Variants in HHIPL1 observed in about 807,000 individuals in gnomAD.
HHIPL1 encodes HHIP like 1, also known as HHIP-like protein 1.
Under a neutral mutation model 61.8 loss-of-function variants are expected in HHIPL1, and 43 were observed. The observed-to-expected ratio is 0.70, with a 90% CI of 0.55 to 0.90. The LOEUF (loss-of-function observed/expected upper bound fraction) is 0.90. HHIPL1 is among the 40% of genes least tolerant of loss of function. The pLI is 0.00. For synonymous variants in HHIPL1, 482 were observed against 515.8 expected (o/e 0.93, Z 0.89); for missense variants, 1,056 against 1,157.7 (o/e 0.91, Z 1.28).
At chr14:99,639,970 G>A in the HHIPL1 span, among the ~76,000 whole-genome samples, 1 of 152,164 alleles carries the variant, frequency 6.6e-6, no homozygotes, top group South Asian at 2.1e-4. Context: ...TAGGCCTTAT[G>A]TTTTAATTCA....
intron 2 of HHIPL1, among the ~76,000 whole-genome samples, chr14:99,653,427 G>T (rs1003564174): frequency 2.3e-4 from 35 of 152,154 alleles, no homozygotes; most frequent in African/African-American, 8.0e-4. Flanking sequence ...CCGCCTCCCG[G>T]GTTCAAGCAA....
upstream of HHIPL1, among the ~76,000 whole-genome samples, chr14:99,643,291 C>T (rs1296287671): frequency 4.6e-5 from 7 of 151,574 alleles, no homozygotes; most frequent in Non-Finnish European, 1.5e-5. Flanking sequence ...CCGCCCGCCT[C>T]AGCCTCCCAA....
rs200672534 is a variant in HHIPL1, at chr14:99,652,408, G to A, written c.440G>A (p.Arg147His). 98 of 1,614,170 alleles carry A rather than the reference G, an allele frequency of 6.1e-5. No individual in the cohort carries two copies. The highest frequency in any genetic ancestry group is 4.2e-4 in the East Asian group (19 of 44,872). The change falls in exon 2 of 9, where the codon CGC becomes CAC. Residue 147 changes from arginine (R) to histidine (H), a missense_variant. By Grantham distance (29) the Arg-to-His change is conservative. Transcript: ENST00000330710. ...GAGGGCAACCTTGCCAGGTTCTGCC[G>A]CTACCTGTCCCTGGATGACACGGAC... ...ALEGNLARFC[R>H]YLSLDDTDYC... is the part of the protein sequence containing the mutation.
upstream of HHIPL1, among the ~76,000 whole-genome samples, chr14:99,643,785 G>C (rs1170235493): frequency 6.6e-6 from 1 of 152,128 alleles, no homozygotes; most frequent in Non-Finnish European, 1.5e-5. Flanking sequence ...GAGAAGCCGG[G>C]GTATTTCTCC....
At chr14:99,666,768 G>C (rs890797352) in intron 6 of HHIPL1, among the ~76,000 whole-genome samples, 1 of 152,176 alleles carries the variant, frequency 6.6e-6, no homozygotes, top group Non-Finnish European at 1.5e-5. Context: ...AATGCTGCAG[G>C]CTGCATCATC....
the HHIPL1 span, among the ~76,000 whole-genome samples, chr14:99,628,446 T>C: frequency 6.6e-6 from 1 of 151,464 alleles, no homozygotes. Context: ...CCAGGCCTGG[T>C]GGCGGGCATC....
intron 3 of HHIPL1, among the ~76,000 whole-genome samples, chr14:99,657,457 G>A (rs553339680): frequency 6.6e-6 from 1 of 152,318 alleles, no homozygotes; most frequent in South Asian, 2.1e-4. Context: ...AGGGCAGATG[G>A]GATTTTCTCT....
At chr14:99,615,222 C>A in the HHIPL1 span, among the ~76,000 whole-genome samples, 1 of 152,064 alleles carries the variant, frequency 6.6e-6, no homozygotes, top group Non-Finnish European at 1.5e-5. Flanking sequence ...TCCCAGACAT[C>A]CTTTCTCTAA....
At chr14:99,671,174 C>T (rs958638034) in intron 7 of HHIPL1, among the ~76,000 whole-genome samples, 2 of 152,160 alleles carry the variant, frequency 1.3e-5, no homozygotes, top group East Asian at 3.8e-4. Context: ...CATTATAGTA[C>T]ATTTGGAAAA....
the HHIPL1 span, among the ~76,000 whole-genome samples, chr14:99,637,223 A>T: frequency 4.9e-4 from 67 of 137,130 alleles, no homozygotes; most frequent in Middle Eastern, 7.8e-3. Context: ...AAAGAAAGAA[A>T]GAAAGAAAGA....
In HHIPL1 at chr14:99,678,420, A is replaced by G. The variant is rs1017624555; in HGVS notation, c.*2794A>G. 6.6e-6 allele frequency: 1 copy of G among 152,282 alleles called. No homozygotes were observed. 9.4% of individuals were successfully genotyped at this position (152,282 alleles called of 1,614,324 possible). ...TCAGCAAGGCAATTTTACTTTCTGC[A>G]GAAAGGGTGCTCATCGCAGATGGAA... On this transcript the variant is annotated 3_prime_UTR_variant, in exon 9 of 9. Transcript: ENST00000330710.
the HHIPL1 span, among the ~76,000 whole-genome samples, chr14:99,613,951 G>C: frequency 6.6e-6 from 1 of 152,012 alleles, no homozygotes; most frequent in Non-Finnish European, 1.5e-5. Context: ...TCCTAGCATA[G>C]AGCCTGGGAA....
the HHIPL1 span, among the ~76,000 whole-genome samples, chr14:99,611,268 G>C: frequency 6.6e-6 from 1 of 150,954 alleles, no homozygotes; most frequent in Non-Finnish European, 1.5e-5. Context: ...TGAGTAGCTT[G>C]GACTACAGGC....
chr14:99,645,351 C>T lies in HHIPL1; in HGVS notation c.144C>T (p.Cys48=). ...LCAQYSDFGC[C]DEGRDAELTR... ...CGCAGTACTCGGACTTCGGCTGCTGCGATGAGGGGCGCGACGCCGAGCTGA... is the reference window on the plus strand; with the variant it reads ...CGCAGTACTCGGACTTCGGCTGCTGTGATGAGGGGCGCGACGCCGAGCTGA... The change falls in exon 1 of 9, where the codon TGC becomes TGT. Residue 48 remains cysteine, a synonymous_variant. Transcript: ENST00000330710. 6.9e-7 allele frequency: 1 copy of T among 1,449,966 alleles called. No homozygotes were observed. 89.8% of individuals were successfully genotyped at this position (1,449,966 alleles called of 1,614,324 possible). A position where few individuals can be genotyped will look rare whatever the true frequency, so the allele number is the denominator to read the frequency against.
chr14:99,623,405 T>C, the HHIPL1 span, among the ~76,000 whole-genome samples: 2 of 152,130 alleles, frequency 1.3e-5, no homozygotes, highest in Admixed American at 1.3e-4. Flanking sequence ...GCAGTTGAGA[T>C]GACAATAGAC....
chr14:99,675,713 C>A lies in HHIPL1; in HGVS notation c.*87C>A. On this transcript the variant is annotated 3_prime_UTR_variant, in exon 9 of 9. Coordinates refer to ENST00000330710, the MANE Select transcript of HHIPL1 (RefSeq NM_001127258.3). This position sits in a 1 kb window ranked among gnomAD's most constrained non-coding sequence, Gnocchi z 5.4. ...CCTGTGTGCGCCCAGCGGGTGCACA[C>A]GTGTTCTAGAGTGAAGGGGGTGCGG... The A allele has an allele frequency of 1.5e-6, 2 of 1,337,038 alleles. No individual in the cohort carries two copies. The highest frequency in any genetic ancestry group is 2.7e-5 in the Admixed American group (1 of 36,594). The allele number at this position is 1,337,038 out of a possible 1,614,324, so 82.8% of individuals were successfully genotyped here. A position where few individuals can be genotyped will look rare whatever the true frequency, so the allele number is the denominator to read the frequency against.
intron 3 of HHIPL1, among the ~76,000 whole-genome samples, 192 bp from the exon 4 acceptor site, chr14:99,659,236 T>C (rs191284573): frequency 3.9e-5 from 6 of 152,254 alleles, no homozygotes; most frequent in Admixed American, 3.3e-4. Context: ...GGGATGCATG[T>C]TGAGTGAATG....
chr14:99,624,523 C>T, the HHIPL1 span, among the ~76,000 whole-genome samples: 1 of 152,196 alleles, frequency 6.6e-6, no homozygotes, highest in Non-Finnish European at 1.5e-5. Flanking sequence ...AACCTAGGCA[C>T]ACCCCACCTC....
the HHIPL1 span, among the ~76,000 whole-genome samples, chr14:99,626,395 T>G: frequency 6.6e-6 from 1 of 152,228 alleles, no homozygotes; most frequent in Non-Finnish European, 1.5e-5. Context: ...TGTTCTGCTC[T>G]GTCCTGCCAG....
Sources: allele counts gnomAD v4.1 joint callset (sites outside exome capture counted in the v4.1 genomes callset), GRCh38; gene constraint gnomAD v4.1.1; non-coding constraint Gnocchi (gnomAD v3.1); transcripts MANE v1.5; gene names NCBI Gene and HGNC (gene_info 2026-07-23, HGNC 2026-07-21).